The following SLC1A3 variants were observed in gnomAD, a reference collection of about 807,000 sequenced individuals.
SLC1A3 encodes excitatory amino acid transporter 1.
A neutral mutation model predicts 48.1 loss-of-function variants in SLC1A3; 21 were observed. That is an observed-to-expected ratio of 0.44 (90% CI 0.31 to 0.63). The LOEUF is 0.63. Ranked by LOEUF, SLC1A3 falls within the 20% of genes least tolerant of loss-of-function variation. SLC1A3 has a pLI of 0.08. For synonymous variants in SLC1A3, 239 were observed against 251.4 expected, an observed-to-expected ratio of 0.95 and a Z score of 0.47; for missense variants, 546 against 689.0, an observed-to-expected ratio of 0.79 and a Z score of 2.32.
intron 3 of SLC1A3, chr5:36,669,369 T>C (rs1235958130): frequency 6.6e-6 from 1 of 152,166 alleles, no homozygotes; most frequent in Non-Finnish European, 1.5e-5. Context: ...AACAAATGAA[T>C]ACTTAGCCCC....
intron 2 of SLC1A3, among the ~76,000 whole-genome samples, chr5:36,614,206 C>T (rs1739333190): frequency 6.6e-6 from 1 of 152,240 alleles, no homozygotes; most frequent in Non-Finnish European, 1.5e-5. Flanking sequence ...TCCCTAAGTG[C>T]TTGCCAGGTA....
At chr5:36,629,876 G>A (rs1305364532) in intron 3 of SLC1A3, 1 of 424,548 alleles carries the variant, frequency 2.4e-6, no homozygotes, top group African/African-American at 2.0e-5. Flanking sequence ...AGCCTTCTCT[G>A]ACCACAGTGA....
Position 36,686,139 on chromosome 5 carries a change from A to C in SLC1A3, c.1499A>C (p.His500Pro). The stretch of plus-strand genomic sequence containing the variant: ...GGGATTGTGGAGCACTTGTCACGAC[A>C]TGAACTGAAGAACAGAGATGTTGAA... The part of the protein sequence containing the change: ...GAGIVEHLSR[H>P]ELKNRDVEMG... Residue 500 changes from histidine (H) to proline (P), a missense_variant, in exon 10 of 10, where the codon CAT becomes CCT. His to Pro is a moderately conservative substitution (Grantham distance 77). Coordinates refer to ENST00000265113, the MANE Select transcript of SLC1A3 (RefSeq NM_004172.5). 6.2e-7 allele frequency: 1 copy of C among 1,614,204 alleles called. No individual in the cohort carries two copies. The highest frequency in any genetic ancestry group is 8.5e-7 in the Non-Finnish European group (1 of 1,180,012).
intron 3 of SLC1A3, among the ~76,000 whole-genome samples, chr5:36,657,365 T>C (rs1320436392): frequency 1.1e-4 from 16 of 152,350 alleles, no homozygotes; most frequent in African/African-American, 3.8e-4. Context: ...TCTTCCCTAA[T>C]ACCTTTAGTA....
intron 2 of SLC1A3, among the ~76,000 whole-genome samples, chr5:36,628,440 C>A (rs1470841700): frequency 1.3e-5 from 2 of 152,192 alleles, no homozygotes; most frequent in Non-Finnish European, 2.9e-5. Flanking sequence ...CCTTTAGCTC[C>A]TAGTTAACTC....
chr5:36,645,037 A>G (rs1740779451), intron 3 of SLC1A3, among the ~76,000 whole-genome samples: 1 of 152,208 alleles, frequency 6.6e-6, no homozygotes, highest in Admixed American at 6.5e-5. Context: ...CTCAGGCTAT[A>G]TCTCAATTTA....
At chr5:36,679,911 G>A in intron 7 of SLC1A3, 51 bp downstream of exon 7, 1 of 1,329,790 alleles carries the variant, frequency 7.5e-7, no homozygotes, top group Non-Finnish European at 1.1e-6. Flanking sequence ...TTGAACCAGG[G>A]CCCCTCAAGT....
chr5:36,674,358 A>AC (rs1025537405), intron 5 of SLC1A3, among the ~76,000 whole-genome samples: 6 of 151,532 alleles, frequency 4.0e-5, no homozygotes, highest in South Asian at 2.1e-4. Context: ...TAATCACAAG[A>AC]CCCCCCCTTC....
intron 2 of SLC1A3, among the ~76,000 whole-genome samples, chr5:36,619,982 C>G (rs1298993404): frequency 2.0e-5 from 3 of 152,040 alleles, no homozygotes; most frequent in Non-Finnish European, 4.4e-5. Context: ...TAGACACCAC[C>G]CATTCCAATT....
intron 2 of SLC1A3, chr5:36,609,059 A>G (rs4869676): frequency 1.0e-6 from 1 of 990,520 alleles, no homozygotes; most frequent in Non-Finnish European, 1.2e-6. Flanking sequence ...GAAGCTGAGT[A>G]TCAACGCTTA....
rs188773717 is a variant in SLC1A3 at position 36,685,113 on chromosome 5, T to C, written c.1425-952T>C. ...ATCATATTAGACACACTTATAAATTTCCACTTGTTAATTTATTACATGTTT... is the reference window on the plus strand; with the variant it reads ...ATCATATTAGACACACTTATAAATTCCCACTTGTTAATTTATTACATGTTT... On this transcript the variant is annotated intron_variant, in intron 9 of 9. Transcript: ENST00000265113. Among the ~76,000 whole-genome samples, 3 of 152,348 alleles carry C rather than the reference T, an allele frequency of 2.0e-5. No individual in the cohort carries two copies. In the East Asian group the frequency reaches 5.8e-4, roughly 29 times the overall value.
intron 2 of SLC1A3, among the ~76,000 whole-genome samples, chr5:36,625,101 C>T (rs1297400653): frequency 6.6e-6 from 1 of 152,212 alleles, no homozygotes; most frequent in South Asian, 2.1e-4. Context: ...CACTCAACCA[C>T]TTATGAGATC....
At chr5:36,604,685 T>A (rs1019286698), upstream of SLC1A3, among the ~76,000 whole-genome samples, 1 of 151,944 alleles carries the variant, frequency 6.6e-6, no homozygotes, top group African/African-American at 2.4e-5. Context: ...GCTTTAGGGA[T>A]TAGAGAGGAA....
chr5:36,682,064 AATAAGG>A (rs1742462346), intron 8 of SLC1A3, among the ~76,000 whole-genome samples: 1 of 152,192 alleles, frequency 6.6e-6, no homozygotes, highest in Admixed American at 6.5e-5. Flanking sequence ...ATCTCCTAAG[AATAAGG>A]ATATTTTTCT....
rs753780652 is a variant in SLC1A3 at position 36,686,070 on chromosome 5, G to C, written c.1430G>C (p.Arg477Pro). The change falls in exon 10 of 10, where the codon CGC becomes CCC. Residue 477 changes from arginine (R) to proline (P), a missense_variant. Coordinates refer to ENST00000265113, the MANE Select transcript of SLC1A3 (RefSeq NM_004172.5). The stretch of plus-strand genomic sequence containing the variant: ...CCTCCCCACCCTGCCTGCAGGGATC[G>C]CCTCCGGACCACCACCAACGTACTG... The part of the protein sequence containing the change: ...LIIAVDWFLD[R>P]LRTTTNVLGD... 6.2e-7 allele frequency: 1 copy of C among 1,613,900 alleles called. No homozygotes were observed. Among genetic ancestry groups the C allele is most frequent in the African/African-American group, 1.3e-5 (1 of 74,920 alleles).
At chr5:36,626,373 G>A (rs1739904064) in intron 2 of SLC1A3, among the ~76,000 whole-genome samples, 1 of 152,134 alleles carries the variant, frequency 6.6e-6, no homozygotes, top group Non-Finnish European at 1.5e-5. Context: ...TAAATTTTAT[G>A]GACTAGATAG....
intron 6 of SLC1A3, among the ~76,000 whole-genome samples, chr5:36,678,737 T>G (rs1399715207): frequency 6.6e-6 from 1 of 152,214 alleles, no homozygotes; most frequent in East Asian, 1.9e-4. Flanking sequence ...CTAGGTTATT[T>G]CAACATGTAG....
At chr5:36,637,798 C>T (rs1011151690) in intron 3 of SLC1A3, among the ~76,000 whole-genome samples, 1 of 152,168 alleles carries the variant, frequency 6.6e-6, no homozygotes, top group Non-Finnish European at 1.5e-5. Context: ...ATTTCTAGAG[C>T]TCACATTCTG....
intron 4 of SLC1A3, 89 bp from the exon 5 acceptor site, chr5:36,673,959 CA>C: frequency 9.9e-7 from 1 of 1,011,760 alleles, no homozygotes; most frequent in South Asian, 1.3e-5. Context: ...TGGTTCAATG[CA>C]ATCTTTACCT....
Sources: allele counts gnomAD v4.1 joint callset (sites outside exome capture counted in the v4.1 genomes callset), GRCh38; gene constraint gnomAD v4.1.1; transcripts MANE v1.5; gene names NCBI Gene and HGNC (gene_info 2026-07-23, HGNC 2026-07-21).